The following TRMT9B variants were observed in gnomAD, a reference collection of about 807,000 sequenced individuals.
TRMT9B encodes probable tRNA methyltransferase 9B.
Under a neutral mutation model 11.5 loss-of-function variants are expected in TRMT9B, and 16 were observed. That is an observed-to-expected ratio of 1.39 (90% CI 0.94 to 2.11). The LOEUF is 2.11. Among genes scored for constraint, TRMT9B ranks in the 30% most tolerant of loss-of-function variants. The pLI, the probability that TRMT9B is intolerant of heterozygous loss-of-function variation, is 0.00. For synonymous variants in TRMT9B, 274 were observed against 192.4 expected (o/e 1.42, Z -3.51); for missense variants, 941 against 553.8 (o/e 1.70, Z -7.02).
chr8:12,990,334 A>C (rs767065567), intron 1 of TRMT9B, among the ~76,000 whole-genome samples: 62 of 152,146 alleles, frequency 4.1e-4, no homozygotes, highest in Non-Finnish European at 7.6e-4. Flanking sequence ...TTATTTTTTT[A>C]ATAACTAAAA....
chr8:13,012,345 G>A (rs1273414204), intron 3 of TRMT9B: 1 of 899,790 alleles, frequency 1.1e-6, no homozygotes, highest in Non-Finnish European at 1.3e-6. Context: ...GGGAGGCCGA[G>A]GCAGGCGGAT....
rs535566465 is a variant in TRMT9B at position 13,023,039 on chromosome 8, G to C, written c.*995G>C. The C allele has an allele frequency of 6.0e-6, 1 of 167,134 alleles. No homozygotes were observed. The highest frequency in any genetic ancestry group is 2.4e-5 in the African/African-American group (1 of 41,564). 10.4% of individuals were successfully genotyped at this position (167,134 alleles called of 1,614,324 possible). On this transcript the variant is annotated 3_prime_UTR_variant, in exon 5 of 5. Coordinates refer to ENST00000524591, the MANE Select transcript of TRMT9B (RefSeq NM_020844.3). ...TGTTAGCTTGTAAGGAGTGGAGTAT[G>C]TAGGTAGTAGGAGTTATATGCAAGT...
chr8:13,015,935 G>C (rs1015337455), intron 4 of TRMT9B, among the ~76,000 whole-genome samples: 1 of 151,682 alleles, frequency 6.6e-6, no homozygotes, highest in Non-Finnish European at 1.5e-5. Flanking sequence ...TTTTCAGTTC[G>C]AGTTCACATT....
chr8:13,011,521 C>A (rs949442790), intron 3 of TRMT9B: 8 of 963,898 alleles, frequency 8.3e-6, no homozygotes, highest in South Asian at 4.8e-5. Context: ...CTAATGATTT[C>A]TTTTAATATT....
intron 1 of TRMT9B, among the ~76,000 whole-genome samples, chr8:12,968,421 A>T (rs1739623863): frequency 6.6e-6 from 1 of 152,236 alleles, no homozygotes; most frequent in Admixed American, 6.5e-5. Flanking sequence ...TTTCATAAAC[A>T]GACATTATCC....
At chr8:12,995,142 C>T (rs754025085) in intron 2 of TRMT9B, among the ~76,000 whole-genome samples, 3 of 152,196 alleles carry the variant, frequency 2.0e-5, no homozygotes, top group Non-Finnish European at 4.4e-5. Context: ...TGGAAATGAA[C>T]ATAATAAACT....
At chr8:13,011,556 T>A in intron 3 of TRMT9B, 1 of 936,544 alleles carries the variant, frequency 1.1e-6, no homozygotes, top group South Asian at 4.9e-5. Context: ...AGATTATATA[T>A]CTGTGATAGA....
At position 13,029,330 on chromosome 8, in the gene TRMT9B, G is replaced by T. The variant is rs1181099969; in HGVS notation, c.*7286G>T. The T allele has an allele frequency of 6.0e-6, 1 of 166,992 alleles. No individual in the cohort carries two copies. The highest frequency in any genetic ancestry group is 2.4e-5 in the African/African-American group (1 of 41,434). 10.3% of individuals were successfully genotyped at this position (166,992 alleles called of 1,614,324 possible). ...ACAGTTATTTTGACTTTTCCCAGGG[G>T]AAGCTAGCAATAGTTTTAAAAGCAC... On this transcript the variant is annotated 3_prime_UTR_variant, in exon 5 of 5. Transcript: ENST00000524591.
At chr8:12,949,236 C>A (rs191590719) in intron 1 of TRMT9B, among the ~76,000 whole-genome samples, 1 of 151,594 alleles carries the variant, frequency 6.6e-6, no homozygotes, top group African/African-American at 2.4e-5. Context: ...TTATGACTAC[C>A]GAGAGTAAAA....
intron 1 of TRMT9B, among the ~76,000 whole-genome samples, chr8:12,990,057 A>C (rs1359566655): frequency 6.6e-6 from 1 of 152,184 alleles, no homozygotes; most frequent in Non-Finnish European, 1.5e-5. Context: ...TCTGAGTAGA[A>C]AACCCACACG....
chr8:12,960,854 A>G (rs938640922), intron 1 of TRMT9B, among the ~76,000 whole-genome samples: 1 of 152,144 alleles, frequency 6.6e-6, no homozygotes, highest in Non-Finnish European at 1.5e-5. Flanking sequence ...GTAGGGCAAT[A>G]AAACTGGGCT....
intron 4 of TRMT9B, among the ~76,000 whole-genome samples, chr8:13,014,050 A>G (rs1460076860): frequency 6.6e-6 from 1 of 152,228 alleles, no homozygotes; most frequent in Non-Finnish European, 1.5e-5. Flanking sequence ...GCAGAATAAG[A>G]TGATTTGCTC....
Position 13,006,226 on chromosome 8 carries a change from G to A in TRMT9B, c.24G>A (p.Leu8=). 6.2e-7 allele frequency: 1 copy of A among 1,613,924 alleles called. No homozygotes were observed. The highest frequency in any genetic ancestry group is 8.5e-7 in the Non-Finnish European group (1 of 1,179,864). ...GGATGGATCATGAAGCCGCCCAGCT[G>A]GAGAAGCAGCATGTGCACAATGTGT... The part of the protein sequence containing the change: MDHEAAQ[L]EKQHVHNVYE... The change falls in exon 3 of 5, where the codon CTG becomes CTA. Residue 8 remains leucine, a synonymous_variant. Transcript: ENST00000524591.
intron 2 of TRMT9B, among the ~76,000 whole-genome samples, chr8:13,002,143 G>C (rs371357463): frequency 1.1e-3 from 171 of 152,234 alleles, no homozygotes; most frequent in African/African-American, 4.0e-3. Context: ...TGGTAGTAGA[G>C]GCCATAGAAA....
At chr8:13,008,375 A>C (rs1284041734) in intron 3 of TRMT9B, among the ~76,000 whole-genome samples, 1 of 152,248 alleles carries the variant, frequency 6.6e-6, no homozygotes, top group Non-Finnish European at 1.5e-5. Flanking sequence ...GTGGCCCTAA[A>C]TAGATTATGG....
intron 1 of TRMT9B, among the ~76,000 whole-genome samples, chr8:12,983,037 G>A (rs1010080149): frequency 5.3e-5 from 8 of 152,216 alleles, no homozygotes; most frequent in Non-Finnish European, 1.2e-4. Flanking sequence ...CAAGAGCTGC[G>A]TGCATTACTC....
At chr8:12,975,594 T>C (rs1298587880) in intron 1 of TRMT9B, among the ~76,000 whole-genome samples, 1 of 151,950 alleles carries the variant, frequency 6.6e-6, no homozygotes, top group Non-Finnish European at 1.5e-5. Context: ...AAAAATTAGC[T>C]GGGTATGGTG....
chr8:12,972,112 A>G (rs190850814), intron 1 of TRMT9B, among the ~76,000 whole-genome samples: 1 of 152,350 alleles, frequency 6.6e-6, no homozygotes, highest in East Asian at 1.9e-4. Flanking sequence ...TAATATAAGG[A>G]ATTGATTAGA....
rs1429490451 is a variant in TRMT9B at position 12,973,449 on chromosome 8, GA to G, written c.-199-17379del. Among the ~76,000 whole-genome samples, 3 of 152,338 alleles carry G rather than the reference GA, an allele frequency of 2.0e-5. No homozygotes were observed. The East Asian group carries it at 5.8e-4, about 29-fold the overall frequency. Reference sequence around the variant, plus strand: ...CAGTGGTCTGGACCAAGCTATGCCTGAAAAAATCTAAAGGCTGGTAGAAGCA... The same window carrying G: ...CAGTGGTCTGGACCAAGCTATGCCTGAAAAATCTAAAGGCTGGTAGAAGCA... On this transcript the variant is annotated intron_variant, in intron 1 of 4. Coordinates refer to ENST00000524591, the MANE Select transcript of TRMT9B (RefSeq NM_020844.3).
Sources: gnomAD v4.1 joint callset for allele counts (sites outside exome capture counted in the v4.1 genomes callset) on GRCh38, gnomAD v4.1.1 for gene constraint, MANE v1.5 for transcripts, NCBI Gene and HGNC (gene_info 2026-07-23, HGNC 2026-07-21) for gene names.